CACNA2D1: variants seen among roughly 807,000 people sequenced by gnomAD.
CACNA2D1 encodes the protein voltage-dependent calcium channel subunit alpha-2/delta-1.
In CACNA2D1, 53 loss-of-function variants were observed where a neutral mutation model predicts 171.5. The ratio of observed to expected loss-of-function variants is 0.31; its 90% confidence interval spans 0.25 to 0.39. The LOEUF is 0.39. Ranked by LOEUF, CACNA2D1 falls within the 10% of genes least tolerant of loss-of-function variation. CACNA2D1 has a pLI of 1.00. For synonymous variants in CACNA2D1, 442 were observed against 443.1 expected (o/e 1.00, Z 0.03); for missense variants, 903 against 1,299.8 (o/e 0.69, Z 4.69).
intron 10 of CACNA2D1, among the ~76,000 whole-genome samples, chr7:82,045,415 C>G (rs1804441227): frequency 6.6e-6 from 1 of 152,036 alleles, no homozygotes; most frequent in African/African-American, 2.4e-5. Context: ...GAGTTTTGTA[C>G]TTAGAAAATC....
chr7:82,279,565 T>C (rs1309838183), intron 3 of CACNA2D1, among the ~76,000 whole-genome samples: 1 of 152,198 alleles, frequency 6.6e-6, no homozygotes, highest in Non-Finnish European at 1.5e-5. Context: ...CTTCCCCAAG[T>C]TTATATTCAT....
In CACNA2D1 at chr7:82,170,485, G is replaced by A. The variant is rs1400198950; in HGVS notation, c.354+65C>T. On this transcript the variant is annotated intron_variant, in intron 4 of 38. Coordinates refer to ENST00000356860, the MANE Select transcript of CACNA2D1 (RefSeq NM_000722.4). ...CCATCATTAAAATATATTTTAATAT[G>A]CATGTAATTATCCATACACAATATG... 15 of 996,402 alleles carry A rather than the reference G, an allele frequency of 1.5e-5. No individual in the cohort carries two copies. The Admixed American group carries it at 2.0e-4, about 14-fold the overall frequency. 61.7% of individuals were successfully genotyped at this position (996,402 alleles called of 1,614,324 possible).
At chr7:82,330,567 A>G (rs1006370158) in intron 3 of CACNA2D1, among the ~76,000 whole-genome samples, 1 of 152,156 alleles carries the variant, frequency 6.6e-6, no homozygotes, top group African/African-American at 2.4e-5. Context: ...ACTGAAGAAT[A>G]ATGAAGGTTT....
chr7:82,038,340 T>G (rs1298116942), intron 10 of CACNA2D1, 105 bp from the exon 11 acceptor site: 1 of 973,382 alleles, frequency 1.0e-6, no homozygotes, highest in Non-Finnish European at 1.5e-6. Context: ...CATTGCTTAC[T>G]CTTTCAAATG....
intron 3 of CACNA2D1, among the ~76,000 whole-genome samples, chr7:82,325,799 T>C (rs1447997388): frequency 6.6e-6 from 1 of 152,228 alleles, no homozygotes; most frequent in African/African-American, 2.4e-5. Context: ...CCTCGAATAA[T>C]GTCATTTTGT....
At chr7:82,367,033 A>C (rs1821816238) in intron 1 of CACNA2D1, among the ~76,000 whole-genome samples, 2 of 150,924 alleles carry the variant, frequency 1.3e-5, no homozygotes, top group Admixed American at 6.6e-5. Context: ...CAGCCTCCCA[A>C]GTAGCTGGGA....
At chr7:82,090,376 T>C (rs1340094394) in intron 6 of CACNA2D1, among the ~76,000 whole-genome samples, 2 of 152,072 alleles carry the variant, frequency 1.3e-5, no homozygotes, top group Non-Finnish European at 2.9e-5. Flanking sequence ...CTATTAAAGA[T>C]ATGTAAGGGA....
At chr7:82,413,899 T>C (rs1827922765) in intron 1 of CACNA2D1, among the ~76,000 whole-genome samples, 1 of 152,166 alleles carries the variant, frequency 6.6e-6, no homozygotes. Context: ...CATGAATTAT[T>C]TTATTAATGA....
At position 81,950,519 on chromosome 7, in the gene CACNA2D1, A is replaced by C; in HGVS notation, c.3160-11T>G. Reference sequence around the variant, plus strand: ...GTCAGTATAATCCTCCTGTTGTTAAAAAAAAAAGAAAAGAACAGAAAAAGA... The same window carrying C: ...GTCAGTATAATCCTCCTGTTGTTAACAAAAAAAGAAAAGAACAGAAAAAGA... On this transcript the variant is annotated splice_polypyrimidine_tract_variant and intron_variant, in intron 38 of 38. Coordinates refer to ENST00000356860, the MANE Select transcript of CACNA2D1 (RefSeq NM_000722.4). 5.6e-6 allele frequency: 9 copies of C among 1,603,454 alleles called. No homozygotes were observed. Among genetic ancestry groups the C allele is most frequent in the Non-Finnish European group, 7.7e-6 (9 of 1,175,366 alleles).
rs527603836 is a variant in CACNA2D1, at chr7:82,426,322, T to C, written c.95+17043A>G. ...ATGTATTTCTAACTCTTCTCATTTA[T>C]TCATGCCTCTACACTAGGAGGAAAA... On this transcript the variant is annotated intron_variant, in intron 1 of 38. Coordinates refer to ENST00000356860, the MANE Select transcript of CACNA2D1 (RefSeq NM_000722.4). 1.8e-4 allele frequency among the ~76,000 whole-genome samples: 27 copies of C among 152,190 alleles called. No homozygotes were observed. In the South Asian group the frequency reaches 5.0e-3, roughly 28 times the overall value.
chr7:82,374,253 T>C (rs1268002152), intron 1 of CACNA2D1, among the ~76,000 whole-genome samples: 1 of 152,220 alleles, frequency 6.6e-6, no homozygotes, highest in Non-Finnish European at 1.5e-5. Context: ...AAGGGAGTCA[T>C]GCTTTCACCA....
intron 38 of CACNA2D1, among the ~76,000 whole-genome samples, chr7:81,951,144 A>G (rs1792472314): frequency 6.6e-6 from 1 of 152,080 alleles, no homozygotes; most frequent in Admixed American, 6.6e-5. Context: ...TAAGCTAGGA[A>G]GAGATTTGTC....
chr7:82,025,032 T>G (rs1801703613), intron 12 of CACNA2D1, among the ~76,000 whole-genome samples: 1 of 151,744 alleles, frequency 6.6e-6, no homozygotes, highest in Admixed American at 6.6e-5. Context: ...CCTACTGTTT[T>G]GATTACCAGA....
intron 3 of CACNA2D1, among the ~76,000 whole-genome samples, chr7:82,197,495 A>T (rs75077562): frequency 0.051 from 7,752 of 152,128 alleles, 473 homozygotes; most frequent in Admixed American, 0.14. Context: ...ACAGGCATAT[A>T]ATTTTCTAGT....
At chr7:81,994,099 A>G (rs1261707360) in intron 20 of CACNA2D1, among the ~76,000 whole-genome samples, 3 of 152,132 alleles carry the variant, frequency 2.0e-5, no homozygotes, top group Non-Finnish European at 4.4e-5. Flanking sequence ...AATGTAATTC[A>G]TCTAGAAATG....
At chr7:82,312,875 C>A (rs1005910214) in intron 3 of CACNA2D1, among the ~76,000 whole-genome samples, 2 of 152,032 alleles carry the variant, frequency 1.3e-5, no homozygotes, top group African/African-American at 4.8e-5. Context: ...ACTGTGGATT[C>A]CCACTGTGCC....
chr7:82,031,773 T>C (rs1179407324), intron 12 of CACNA2D1, among the ~76,000 whole-genome samples: 3 of 152,078 alleles, frequency 2.0e-5, no homozygotes, highest in African/African-American at 7.2e-5. Context: ...GTCTCGCTTT[T>C]CAACACCCAA....
intron 3 of CACNA2D1, among the ~76,000 whole-genome samples, chr7:82,248,178 T>C (rs1161104696): frequency 6.6e-6 from 1 of 152,202 alleles, no homozygotes; most frequent in Non-Finnish European, 1.5e-5. Context: ...ATGATAATAA[T>C]AAAGTACTTC....
intron 4 of CACNA2D1, among the ~76,000 whole-genome samples, chr7:82,165,035 C>T (rs1341068405): frequency 1.3e-5 from 2 of 151,946 alleles, no homozygotes; most frequent in Non-Finnish European, 2.9e-5. Flanking sequence ...TTCAGCTCTG[C>T]ATGGCTGAAA....
Sources: allele counts gnomAD v4.1 joint callset (sites outside exome capture counted in the v4.1 genomes callset), GRCh38; gene constraint gnomAD v4.1.1; transcripts MANE v1.5; gene names NCBI Gene and HGNC (gene_info 2026-07-23, HGNC 2026-07-21).